IP6K1: variants seen among roughly 807,000 people sequenced by gnomAD.
IP6K1 encodes inositol hexakisphosphate kinase 1.
A neutral mutation model predicts 38.3 loss-of-function variants in IP6K1; 13 were observed. The observed-to-expected ratio is 0.34, with a 90% CI of 0.22 to 0.54. IP6K1 has a LOEUF of 0.54. Among genes scored for constraint, IP6K1 ranks in the 20% least tolerant of loss-of-function variants. IP6K1 has a pLI of 0.92. For synonymous variants in IP6K1, 212 were observed against 229.9 expected (o/e 0.92, Z 0.70); for missense variants, 397 against 599.8 (o/e 0.66, Z 3.53).
chr3:49,768,317 A>T (rs1335730622), intron 1 of IP6K1, among the ~76,000 whole-genome samples: 1 of 152,228 alleles, frequency 6.6e-6, no homozygotes, highest in Admixed American at 6.5e-5. Context: ...ATGGATAAAG[A>T]TATGCGGTAT....
intron 1 of IP6K1, among the ~76,000 whole-genome samples, chr3:49,778,722 C>T (rs2081040127): frequency 1.3e-5 from 2 of 152,276 alleles, no homozygotes; most frequent in East Asian, 1.9e-4. Context: ...AAATCCCAGA[C>T]ACAAGCGATC....
chr3:49,759,424 C>A (rs562052870), intron 1 of IP6K1, among the ~76,000 whole-genome samples: 19 of 152,260 alleles, frequency 1.2e-4, no homozygotes, highest in African/African-American at 3.8e-4. Context: ...TGGCCAGGGA[C>A]CAGCTCCAGT....
At chr3:49,785,170 G>A (rs1029972533) in intron 1 of IP6K1, among the ~76,000 whole-genome samples, 2 of 152,114 alleles carry the variant, frequency 1.3e-5, no homozygotes, top group African/African-American at 4.8e-5. Context: ...CAGGAAAGGG[G>A]CTTGAAGGTG....
At chr3:49,784,370 G>A (rs1474288714) in intron 1 of IP6K1, among the ~76,000 whole-genome samples, 1 of 152,108 alleles carries the variant, frequency 6.6e-6, no homozygotes, top group East Asian at 1.9e-4. Context: ...CGCGTGACCA[G>A]GCACAGTGGC....
At chr3:49,765,070 C>A (rs2080900152) in intron 1 of IP6K1, among the ~76,000 whole-genome samples, 3 of 152,072 alleles carry the variant, frequency 2.0e-5, no homozygotes, top group African/African-American at 7.2e-5. Context: ...GCAGATTTCT[C>A]CTCAGAAACC....
rs2080481908 is a variant in IP6K1, at chr3:49,724,806, T to A, written c.*2316A>T. 6.6e-6 allele frequency: 1 copy of A among 152,590 alleles called. No homozygotes were observed. The highest frequency in any genetic ancestry group is 1.5e-5 in the Non-Finnish European group (1 of 68,124). The allele number at this position is 152,590 out of a possible 1,614,324, so 9.5% of individuals were successfully genotyped here. ...GGTCCCTGGCAAGTTGCTACACTGG[T>A]CCCCTTCCTCTTTTAAGCACCACCC... On this transcript the variant is annotated 3_prime_UTR_variant, in exon 6 of 6. Transcript: ENST00000321599.
chr3:49,784,774 G>GT (rs1297200787), intron 1 of IP6K1, among the ~76,000 whole-genome samples: 1 of 151,582 alleles, frequency 6.6e-6, no homozygotes, highest in Non-Finnish European at 1.5e-5. Context: ...GTGAAACCCC[G>GT]TCTCTACTAA....
chr3:49,755,509 G>C (rs1170571826), intron 1 of IP6K1, among the ~76,000 whole-genome samples: 2 of 151,996 alleles, frequency 1.3e-5, no homozygotes, highest in Admixed American at 1.3e-4. Context: ...CAGTATTTTT[G>C]GTTTTGGCAA....
chr3:49,762,098 T>G (rs1390303382), intron 1 of IP6K1, among the ~76,000 whole-genome samples: 1 of 152,150 alleles, frequency 6.6e-6, no homozygotes, highest in Non-Finnish European at 1.5e-5. Flanking sequence ...ACTACAGGTA[T>G]GCACCACCAT....
intron 1 of IP6K1, among the ~76,000 whole-genome samples, chr3:49,751,266 G>A (rs948276670): frequency 2.0e-5 from 3 of 151,820 alleles, no homozygotes; most frequent in African/African-American, 4.8e-5. Context: ...AGCGATTCTC[G>A]TGCCTCAGCC....
At chr3:49,733,101 C>T (rs1375935403) in intron 3 of IP6K1, 129 bp from the exon 4 acceptor site, 1 of 561,326 alleles carries the variant, frequency 1.8e-6, no homozygotes. Flanking sequence ...GCATTAAGGT[C>T]CCATGAGCCA....
At chr3:49,754,184 T>C (rs1468471213) in intron 1 of IP6K1, among the ~76,000 whole-genome samples, 3 of 148,696 alleles carry the variant, frequency 2.0e-5, no homozygotes, top group African/African-American at 4.9e-5. Context: ...ATAGGCAACA[T>C]GGCAAAACTT....
chr3:49,757,077 A>G (rs1183737647), intron 1 of IP6K1, among the ~76,000 whole-genome samples: 1 of 152,204 alleles, frequency 6.6e-6, no homozygotes, highest in Non-Finnish European at 1.5e-5. Context: ...AAAACCACAG[A>G]GCACTTAAAA....
At position 49,751,093 on chromosome 3, in the gene IP6K1, G is replaced by A. The variant is rs116488804; in HGVS notation, c.-128-2925C>T. Among the ~76,000 whole-genome samples, 1,351 of 152,154 alleles carry A rather than the reference G, an allele frequency of 8.9e-3. 18 individuals carry two copies. The highest frequency in any genetic ancestry group is 0.031 in the African/African-American group (1,295 of 41,488). On this transcript the variant is annotated intron_variant, in intron 1 of 5. Transcript: ENST00000321599. The stretch of plus-strand genomic sequence containing the variant: ...CAGGATTTGCAGATGCAGGTAAAGG[G>A]CTTGGGCTTGCCTCGCCTAGTGCCC...
chr3:49,740,740 T>C (rs760464097), intron 2 of IP6K1, among the ~76,000 whole-genome samples: 40 of 152,240 alleles, frequency 2.6e-4, no homozygotes, highest in Non-Finnish European at 1.5e-5. Context: ...ACATCTGTTA[T>C]GTATTATCTA....
intron 1 of IP6K1, among the ~76,000 whole-genome samples, chr3:49,755,760 G>A (rs2080817587): frequency 1.3e-5 from 2 of 152,138 alleles, no homozygotes; most frequent in South Asian, 4.1e-4. Flanking sequence ...ACACCTTCAA[G>A]AATCACAGAC....
rs987465939 is a variant in IP6K1 at position 49,752,372 on chromosome 3, C to T, written c.-128-4204G>A. On this transcript the variant is annotated intron_variant, in intron 1 of 5. Coordinates refer to ENST00000321599, the MANE Select transcript of IP6K1 (RefSeq NM_153273.4). ...GTGTGGTGGCGGGCGCCTGTAGTCCCAGCTACTCGGGAGGCTGAGGCAGGA... is the reference window on the plus strand; with the variant it reads ...GTGTGGTGGCGGGCGCCTGTAGTCCTAGCTACTCGGGAGGCTGAGGCAGGA... Among the ~76,000 whole-genome samples the T allele has an allele frequency of 2.0e-5, 3 of 151,734 alleles. No homozygotes were observed. The East Asian group carries it at 5.9e-4, about 30-fold the overall frequency.
rs71080545 is a variant in IP6K1 at position 49,731,887 on chromosome 3, C to CAAAAAAAAAAAAAAAAAAAAAAAAAA, written c.616+903_616+904insTTTTTTTTTTTTTTTTTTTTTTTTTT. Among the ~76,000 whole-genome samples the CAAAAAAAAAAAAAAAAAAAAAAAAAA allele has an allele frequency of 7.5e-4, 49 of 65,322 alleles. 3 individuals carry two copies. The highest frequency in any genetic ancestry group is 4.2e-3 in the East Asian group (5 of 1,178). The allele number at this position is 65,322 out of a possible 152,430, so 42.9% of individuals were successfully genotyped here. Reference sequence around the variant, plus strand: ...TGGGTAACAGAGTGAGACTCTGTCTCAAAAAAAAAAAAAAAAAAGGAATTC... The same window carrying CAAAAAAAAAAAAAAAAAAAAAAAAAA: ...TGGGTAACAGAGTGAGACTCTGTCTCAAAAAAAAAAAAAAAAAAAAAAAAAAAAAAAAAAAAAAAAAAAAGGAATTC... On this transcript the variant is annotated intron_variant, in intron 4 of 5. Coordinates refer to ENST00000321599, the MANE Select transcript of IP6K1 (RefSeq NM_153273.4).
At chr3:49,768,611 A>T (rs376920414) in intron 1 of IP6K1, among the ~76,000 whole-genome samples, 13 of 152,242 alleles carry the variant, frequency 8.5e-5, no homozygotes, top group African/African-American at 3.1e-4. Flanking sequence ...CTTTACCAAA[A>T]ATACAAAAAT....
Sources: allele counts gnomAD v4.1 joint callset (sites outside exome capture counted in the v4.1 genomes callset), GRCh38; gene constraint gnomAD v4.1.1; transcripts MANE v1.5; gene names NCBI Gene and HGNC (gene_info 2026-07-23, HGNC 2026-07-21).